OSBPL10: variants seen among roughly 807,000 people sequenced by gnomAD.
OSBPL10 encodes the protein oxysterol-binding protein-related protein 10.
In OSBPL10, 49 loss-of-function variants were observed where a neutral mutation model predicts 81.7. The ratio of observed to expected loss-of-function variants is 0.60; its 90% CI spans 0.48 to 0.76. OSBPL10 has a LOEUF of 0.76. OSBPL10 is among the 30% of genes least tolerant of loss of function. The pLI is 0.00. For synonymous variants in OSBPL10, 419 were observed against 383.6 expected (o/e 1.09, Z -1.08); for missense variants, 923 against 987.8 (o/e 0.93, Z 0.88).
chr3:31,767,627 C>T (rs1236176316), intron 4 of OSBPL10, among the ~76,000 whole-genome samples: 1 of 152,206 alleles, frequency 6.6e-6, no homozygotes, highest in East Asian at 1.9e-4. Context: ...TTGCCCTTCT[C>T]TTCTGTAAGG....
chr3:32,050,222 A>T (rs1321368985), intron 1 of OSBPL10, among the ~76,000 whole-genome samples: 1 of 152,206 alleles, frequency 6.6e-6, no homozygotes, highest in Non-Finnish European at 1.5e-5. Context: ...GTTAAAAGCC[A>T]TTGCAAGCTC....
chr3:32,040,924 G>C (rs781645786), intron 2 of OSBPL10, among the ~76,000 whole-genome samples: 4 of 152,186 alleles, frequency 2.6e-5, no homozygotes, highest in Non-Finnish European at 5.9e-5. Context: ...GCTCCAGAGA[G>C]GTACAGGAGA....
At chr3:31,736,015 T>C (rs956170740) in intron 5 of OSBPL10, among the ~76,000 whole-genome samples, 7 of 152,144 alleles carry the variant, frequency 4.6e-5, no homozygotes, top group Non-Finnish European at 1.0e-4. Context: ...GACAGAAAAC[T>C]TTAAGAAGAG....
chr3:31,834,131 C>T (rs1206943422), intron 3 of OSBPL10, among the ~76,000 whole-genome samples: 1 of 152,162 alleles, frequency 6.6e-6, no homozygotes, highest in African/African-American at 2.4e-5. Context: ...TATAAATGAG[C>T]AGGCTGTGTT....
chr3:31,781,082 G>T (rs1289041035), intron 4 of OSBPL10, among the ~76,000 whole-genome samples: 3 of 152,112 alleles, frequency 2.0e-5, no homozygotes, highest in Non-Finnish European at 4.4e-5. Flanking sequence ...TTAGCTAACT[G>T]AATATAACAG....
intron 1 of OSBPL10, among the ~76,000 whole-genome samples, chr3:31,917,946 T>G (rs191995500): frequency 2.4e-4 from 37 of 152,070 alleles, no homozygotes; most frequent in Non-Finnish European, 5.3e-4. Context: ...TTAATAACTT[T>G]AATTTGTTAA....
chr3:32,026,109 TAG>T (rs1699410414), intron 2 of OSBPL10, among the ~76,000 whole-genome samples: 3 of 145,754 alleles, frequency 2.1e-5, no homozygotes, highest in Non-Finnish European at 3.0e-5. Flanking sequence ...TAGATAGAGA[TAG>T]AGATAGAGAC....
At chr3:32,023,791 C>G (rs1212459471) in intron 2 of OSBPL10, among the ~76,000 whole-genome samples, 1 of 152,132 alleles carries the variant, frequency 6.6e-6, no homozygotes, top group Non-Finnish European at 1.5e-5. Flanking sequence ...GCAGATAGTA[C>G]AGAACCCTAT....
chr3:31,688,894 C>A (rs1055695290), intron 7 of OSBPL10, among the ~76,000 whole-genome samples: 3 of 152,206 alleles, frequency 2.0e-5, no homozygotes, highest in Admixed American at 1.3e-4. Flanking sequence ...GTCTGCCCCA[C>A]ACTCTTCTGG....
intron 1 of OSBPL10, among the ~76,000 whole-genome samples, chr3:31,976,239 G>A (rs1698693921): frequency 6.6e-6 from 1 of 152,104 alleles, no homozygotes; most frequent in African/African-American, 2.4e-5. Context: ...ACCACTTCTT[G>A]GTATCTTGCT....
rs1553620066 is a variant in OSBPL10, at chr3:31,740,857, T to TTTTATATATATATATATATATATA, written c.940+7052_940+7053insTATATATATATATATATATATAAA. Among the ~76,000 whole-genome samples, 730 of 136,386 alleles carry TTTTATATATATATATATATATATA rather than the reference T, an allele frequency of 5.4e-3. 28 individuals carry two copies. Among genetic ancestry groups the TTTTATATATATATATATATATATA allele is most frequent in the African/African-American group, 0.023 (685 of 29,764 alleles). 89.5% of individuals were successfully genotyped at this position (136,386 alleles called of 152,430 possible). Reference sequence around the variant, plus strand: ...AACTTAATATGACCACTACTAGAATTTATATATATATGTCATATTTCTTCC... The same window carrying TTTTATATATATATATATATATATA: ...AACTTAATATGACCACTACTAGAATTTTTATATATATATATATATATATATATATATATATGTCATATTTCTTCC... On this transcript the variant is annotated intron_variant, in intron 5 of 11. Coordinates refer to ENST00000396556, the MANE Select transcript of OSBPL10 (RefSeq NM_017784.5).
At chr3:31,973,197 A>G (rs1281936638) in intron 1 of OSBPL10, among the ~76,000 whole-genome samples, 1 of 152,226 alleles carries the variant, frequency 6.6e-6, no homozygotes, top group Non-Finnish European at 1.5e-5. Context: ...CTTTCTTCCC[A>G]GAGTCCTCAG....
At chr3:31,687,904 AT>A (rs1406307330) in intron 7 of OSBPL10, among the ~76,000 whole-genome samples, 1 of 146,754 alleles carries the variant, frequency 6.8e-6, no homozygotes. Context: ...AATAATAATA[AT>A]AATAATAATA....
chr3:31,982,761 C>T (rs1233343391), upstream of OSBPL10, among the ~76,000 whole-genome samples: 1 of 152,152 alleles, frequency 6.6e-6, no homozygotes, highest in Non-Finnish European at 1.5e-5. Flanking sequence ...TTAGTTTTCT[C>T]ACTGCAAAAT....
intron 4 of OSBPL10, among the ~76,000 whole-genome samples, chr3:31,819,631 C>T (rs1014663307): frequency 6.6e-6 from 1 of 152,202 alleles, no homozygotes; most frequent in Non-Finnish European, 1.5e-5. Flanking sequence ...CAGCCACTGC[C>T]GCCCCAGCTC....
chr3:31,917,196 G>A (rs1017315279), intron 1 of OSBPL10, among the ~76,000 whole-genome samples: 2 of 152,142 alleles, frequency 1.3e-5, no homozygotes, highest in African/African-American at 4.8e-5. Context: ...GAAATTACAC[G>A]ACAGTTACAG....
At chr3:31,955,153 G>A (rs1259646770) in intron 1 of OSBPL10, among the ~76,000 whole-genome samples, 2 of 152,248 alleles carry the variant, frequency 1.3e-5, no homozygotes, top group Non-Finnish European at 2.9e-5. Context: ...AGCGTGAGCT[G>A]CTCAGACAAA....
intron 1 of OSBPL10, among the ~76,000 whole-genome samples, chr3:31,937,400 C>A (rs1330191110): frequency 6.6e-6 from 1 of 152,176 alleles, no homozygotes; most frequent in East Asian, 1.9e-4. Context: ...TGAAATTACT[C>A]ATCCGAGAAG....
chr3:32,068,313 G>A (rs1371937003), intron 1 of OSBPL10, among the ~76,000 whole-genome samples: 2 of 152,188 alleles, frequency 1.3e-5, no homozygotes, highest in African/African-American at 4.8e-5. Flanking sequence ...CCGCAGGGAT[G>A]CCTGCCTTGG....
Sources: allele counts gnomAD v4.1 joint callset (sites outside exome capture counted in the v4.1 genomes callset), GRCh38; gene constraint gnomAD v4.1.1; transcripts MANE v1.5; gene names NCBI Gene and HGNC (gene_info 2026-07-23, HGNC 2026-07-21).